The following IL1RAP variants were observed in gnomAD, a reference collection of about 807,000 sequenced individuals.
IL1RAP encodes the protein interleukin 1 receptor accessory protein.
Under a neutral mutation model 60.7 loss-of-function variants are expected in IL1RAP, and 35 were observed. The ratio of observed to expected loss-of-function variants is 0.58; its 90% CI spans 0.44 to 0.76. IL1RAP has a LOEUF of 0.76. Ranked by LOEUF, IL1RAP falls within the 30% of genes least tolerant of loss-of-function variation. The pLI is 0.00. For missense variants in IL1RAP, 572 were observed against 693.9 expected (o/e 0.82, Z 1.97); for synonymous variants, 268 against 250.9 (o/e 1.07, Z -0.64).
chr3:190,527,321 C>T (rs976958590), intron 1 of IL1RAP, among the ~76,000 whole-genome samples: 13 of 152,214 alleles, frequency 8.5e-5, no homozygotes, highest in Admixed American at 4.6e-4. Flanking sequence ...AAATTTTAGT[C>T]GTAAACCAAA....
chr3:190,596,669 A>G (rs559379303), intron 3 of IL1RAP, among the ~76,000 whole-genome samples: 3 of 152,298 alleles, frequency 2.0e-5, no homozygotes, highest in African/African-American at 7.2e-5. Flanking sequence ...GCCAATTTAG[A>G]GAGGACTTCC....
chr3:190,534,710 T>C (rs1304109400), intron 1 of IL1RAP, among the ~76,000 whole-genome samples: 2 of 152,068 alleles, frequency 1.3e-5, no homozygotes, highest in Non-Finnish European at 1.5e-5. Context: ...TTAATAGTTT[T>C]CAGAGTTGGT....
chr3:190,601,877 T>C (rs1295059448), intron 3 of IL1RAP, among the ~76,000 whole-genome samples: 4 of 152,132 alleles, frequency 2.6e-5, no homozygotes, highest in Non-Finnish European at 5.9e-5. Flanking sequence ...TAATATGCTT[T>C]TGTGGACTTG....
At chr3:190,607,994 T>A (rs1730493834) in intron 4 of IL1RAP, among the ~76,000 whole-genome samples, 1 of 152,178 alleles carries the variant, frequency 6.6e-6, no homozygotes, top group Admixed American at 6.6e-5. Flanking sequence ...CCTGAAAACA[T>A]AGTTTTTCCC....
chr3:190,651,580 A>G (rs115216141), downstream of IL1RAP: 304 of 177,782 alleles, frequency 1.7e-3, 1 homozygote, highest in African/African-American at 6.9e-3. Context: ...GTCATAAGTG[A>G]AAACAGAAAG....
chr3:190,641,021 A>T (rs2108847787), intron 9 of IL1RAP, among the ~76,000 whole-genome samples: 1 of 152,150 alleles, frequency 6.6e-6, no homozygotes, highest in South Asian at 2.1e-4. Context: ...GCTGGAGTGC[A>T]ATGGTGCAAT....
Position 190,645,841 on chromosome 3 carries a change from A to AAGTAGGT in IL1RAP, c.1345+1_1345+7dup, listed in dbSNP as rs1402718426. On this transcript the variant is annotated frameshift_variant and splice_region_variant, in exon 11 of 12. Coordinates refer to ENST00000447382, the MANE Select transcript of IL1RAP (RefSeq NM_002182.4). LOFTEE classifies it high-confidence loss of function. ...TTGACCGAGACAGTCTGCCTGGGGG[A>AAGTAGGT]AGTAGGTATTTCAGAGGAGTACAAA... is the stretch of plus-strand genomic sequence containing the variant. 6.2e-7 allele frequency: 1 copy of AAGTAGGT among 1,611,818 alleles called. No individual in the cohort carries two copies. The highest frequency in any genetic ancestry group is 8.5e-7 in the Non-Finnish European group (1 of 1,178,938).
chr3:190,526,826 A>C (rs1482470250), intron 1 of IL1RAP, among the ~76,000 whole-genome samples: 1 of 152,242 alleles, frequency 6.6e-6, no homozygotes, highest in Non-Finnish European at 1.5e-5. Flanking sequence ...CTTTCTTTTA[A>C]AAATCAAAGC....
At chr3:190,584,576 T>A (rs1728285085) in intron 3 of IL1RAP, among the ~76,000 whole-genome samples, 1 of 152,218 alleles carries the variant, frequency 6.6e-6, no homozygotes, top group African/African-American at 2.4e-5. Flanking sequence ...TTTACAGTAG[T>A]ATCTTGTGTG....
downstream of IL1RAP, among the ~76,000 whole-genome samples, chr3:190,651,858 GAGAC>G (rs146899911): frequency 0.029 from 4,443 of 151,548 alleles, 153 homozygotes; most frequent in African/African-American, 0.092. Flanking sequence ...AAGATACAGA[GAGAC>G]AGAGAAAAAG....
Position 190,604,521 on chromosome 3 carries a change from A to G in IL1RAP, c.350+108A>G, listed in dbSNP as rs910622194. 56 of 1,164,888 alleles carry G rather than the reference A, an allele frequency of 4.8e-5. No individual in the cohort carries two copies. In the South Asian group the frequency reaches 7.4e-4, roughly 15 times the overall value. The allele number at this position is 1,164,888 out of a possible 1,614,324, so 72.2% of individuals were successfully genotyped here. On this transcript the variant is annotated intron_variant, in intron 4 of 11. Transcript: ENST00000447382. ...GGGGAGAAGTCGGAAGCATTTAGAT[A>G]GAGTTTAGTGAGGTAATTGTCTGCA...
intron 4 of IL1RAP, among the ~76,000 whole-genome samples, chr3:190,607,991 A>G (rs535017110): frequency 6.6e-6 from 1 of 152,286 alleles, no homozygotes; most frequent in East Asian, 1.9e-4. Context: ...GATCCTGAAA[A>G]CATAGTTTTT....
At chr3:190,568,117 C>G (rs190334433) in intron 3 of IL1RAP, among the ~76,000 whole-genome samples, 5 of 152,304 alleles carry the variant, frequency 3.3e-5, no homozygotes, top group African/African-American at 1.2e-4. Flanking sequence ...AGAGAGTACA[C>G]TGCCACCCCA....
intron 4 of IL1RAP, among the ~76,000 whole-genome samples, chr3:190,605,333 GAAAAAAAC>G (rs1730220674): frequency 6.7e-6 from 1 of 149,944 alleles, no homozygotes. Flanking sequence ...TGTTTTTGGG[GAAAAAAAC>G]AAAAAAACAA....
At chr3:190,538,963 G>T (rs1324250847) in intron 1 of IL1RAP, among the ~76,000 whole-genome samples, 1 of 152,128 alleles carries the variant, frequency 6.6e-6, no homozygotes, top group African/African-American at 2.4e-5. Flanking sequence ...CAGCCATGCT[G>T]ATTTGTGAGT....
intron 8 of IL1RAP, among the ~76,000 whole-genome samples, chr3:190,628,839 T>C (rs753803165): frequency 2.6e-5 from 4 of 152,220 alleles, no homozygotes; most frequent in Admixed American, 6.5e-5. Flanking sequence ...TATTCATGCC[T>C]TAGCATATTC....
In IL1RAP at chr3:190,558,274, T is replaced by C. The variant is rs1430117816; in HGVS notation, c.-2+2058T>C. 4.6e-5 allele frequency among the ~76,000 whole-genome samples: 7 copies of C among 152,158 alleles called. No homozygotes were observed. In the East Asian group the frequency reaches 1.3e-3, roughly 29 times the overall value. On this transcript the variant is annotated intron_variant, in intron 2 of 11. Coordinates refer to ENST00000447382, the MANE Select transcript of IL1RAP (RefSeq NM_002182.4). ...GCAGGTATAGCTTTTTGTATGAAAG[T>C]AAGTTTTCATTTCCCTTGGACAAAT...
chr3:190,526,067 T>C (rs2108522440), intron 1 of IL1RAP, among the ~76,000 whole-genome samples: 1 of 152,364 alleles, frequency 6.6e-6, no homozygotes, highest in South Asian at 2.1e-4. Flanking sequence ...AAGAAGTAGC[T>C]TACAGGTCAT....
chr3:190,621,472 C>T (rs1731774597), intron 6 of IL1RAP, among the ~76,000 whole-genome samples: 2 of 152,104 alleles, frequency 1.3e-5, no homozygotes, highest in South Asian at 4.1e-4. Flanking sequence ...AATAATGTAA[C>T]CTTATATTCA....
Sources: allele counts gnomAD v4.1 joint callset (sites outside exome capture counted in the v4.1 genomes callset), GRCh38; gene constraint gnomAD v4.1.1; transcripts MANE v1.5; gene names NCBI Gene and HGNC (gene_info 2026-07-23, HGNC 2026-07-21).